GRHL2: variants seen among roughly 807,000 people sequenced by gnomAD.
GRHL2 encodes grainyhead-like protein 2 homolog.
GRHL2 carries 21 observed loss-of-function variants against 83.8 expected under a neutral mutation model. That is an observed-to-expected ratio of 0.25 (90% CI 0.18 to 0.36). GRHL2 has a LOEUF of 0.36. Ranked by LOEUF, GRHL2 falls within the 10% of genes least tolerant of loss-of-function variation. GRHL2 has a pLI of 1.00. For missense variants in GRHL2, 623 were observed against 781.8 expected (o/e 0.80, Z 2.42); for synonymous variants, 280 against 278.9 (o/e 1.00, Z -0.04).
At chr8:101,559,290 T>C (rs1224906304) in intron 4 of GRHL2, among the ~76,000 whole-genome samples, 1 of 143,858 alleles carries the variant, frequency 7.0e-6, no homozygotes, top group Non-Finnish European at 1.5e-5. Context: ...AGTGCGTGGA[T>C]CGAGGCCAGG....
Position 101,577,478 on chromosome 8 carries a change from A to G in GRHL2, c.962A>G (p.His321Arg). The G allele has an allele frequency of 6.2e-7, 1 of 1,614,022 alleles. No homozygotes were observed. Among genetic ancestry groups the G allele is most frequent in the Non-Finnish European group, 8.5e-7 (1 of 1,179,944 alleles). Residue 321 changes from histidine to arginine, a missense_variant, in exon 7 of 16, where the codon CAC (histidine) becomes CGC (arginine). Coordinates refer to ENST00000646743, the MANE Select transcript of GRHL2 (RefSeq NM_024915.4). ...DEQLKYWKYW[H>R]SRQHTAKQRV... ...CAGCTCAAATACTGGAAATACTGGC[A>G]CTCTCGGCAGCATACGGCGAAGCAG...
In GRHL2 at chr8:101,609,530, C is replaced by T. The variant is rs1034570926; in HGVS notation, c.1099-10009C>T. Among the ~76,000 whole-genome samples the T allele has an allele frequency of 7.3e-5, 11 of 150,952 alleles. 1 individual carries two copies. The highest frequency in any genetic ancestry group is 2.2e-4 in the African/African-American group (9 of 40,390). On this transcript the variant is annotated intron_variant, in intron 8 of 15. Transcript: ENST00000646743. ...GCAATTTCAGAAGTAAATTTATACA[C>T]GCACATGTGAACAAAAGCCACGTAG...
intron 4 of GRHL2, among the ~76,000 whole-genome samples, chr8:101,562,905 T>C (rs899612671): frequency 1.3e-5 from 2 of 152,114 alleles, no homozygotes; most frequent in Admixed American, 1.3e-4. Flanking sequence ...GAGAAGTGAG[T>C]GTAGTGGCAG....
At chr8:101,522,741 A>C (rs1157447069) in intron 1 of GRHL2, among the ~76,000 whole-genome samples, 1 of 130,628 alleles carries the variant, frequency 7.7e-6, no homozygotes. Flanking sequence ...ACATATACAT[A>C]TATATATATA....
intron 1 of GRHL2, among the ~76,000 whole-genome samples, chr8:101,516,630 C>T (rs563732469): frequency 6.6e-6 from 1 of 152,276 alleles, no homozygotes; most frequent in Admixed American, 6.5e-5. Context: ...TGGTCTCAAA[C>T]TCATGAGCTC....
At chr8:101,552,804 C>A in intron 3 of GRHL2, 22 bp downstream of exon 3, 2 of 1,607,468 alleles carry the variant, frequency 1.2e-6, no homozygotes, top group Non-Finnish European at 1.7e-6. Context: ...TGCCTGGCCC[C>A]CAGAATAACT....
At chr8:101,638,093 C>T (rs11995290) in intron 12 of GRHL2, among the ~76,000 whole-genome samples, 18,157 of 152,172 alleles carry the variant, frequency 0.12, 2,363 homozygotes, top group African/African-American at 0.33. Flanking sequence ...CATGCATTTT[C>T]AATAGCTACT....
chr8:101,579,823 G>T (rs1032828059), intron 7 of GRHL2, among the ~76,000 whole-genome samples: 3 of 152,150 alleles, frequency 2.0e-5, no homozygotes, highest in Non-Finnish European at 2.9e-5. Context: ...TATTGAGAAG[G>T]TTTCTGAGGT....
In GRHL2 at chr8:101,669,254, C is replaced by CTTTCTTTTTTTTT. The variant is rs1554599113; in HGVS notation, c.*2554_*2555insCTTTTTTTTTTTT. ...GGACATGTGAAATGAGCATTTTTTT[C>CTTTCTTTTTTTTT]TTTTTTTTTTTTAACAAAGTCTGAA... On this transcript the variant is annotated 3_prime_UTR_variant, in exon 16 of 16. Transcript: ENST00000646743. The CTTTCTTTTTTTTT allele has an allele frequency of 5.5e-5, 7 of 126,626 alleles. No individual in the cohort carries two copies. Among genetic ancestry groups the CTTTCTTTTTTTTT allele is most frequent in the Non-Finnish European group, 8.1e-5 (5 of 61,468 alleles). The allele number at this position is 126,626 out of a possible 1,614,324, so 7.8% of individuals were successfully genotyped here.
chr8:101,520,668 G>A (rs1810664110), intron 1 of GRHL2, among the ~76,000 whole-genome samples: 1 of 152,146 alleles, frequency 6.6e-6, no homozygotes, highest in Non-Finnish European at 1.5e-5. Flanking sequence ...TGAGTACCCT[G>A]TGCACTTAGC....
downstream of GRHL2, among the ~76,000 whole-genome samples, chr8:101,674,504 C>T (rs1365566674): frequency 1.3e-5 from 2 of 152,082 alleles, no homozygotes; most frequent in Admixed American, 1.3e-4. Flanking sequence ...CAAGACTAAA[C>T]CAGGAAGAAG....
At chr8:101,495,193 G>A (rs1375325037) in intron 1 of GRHL2, among the ~76,000 whole-genome samples, 2 of 152,166 alleles carry the variant, frequency 1.3e-5, no homozygotes, top group South Asian at 2.1e-4. Context: ...GGCTTCATCA[G>A]CCTCATGGAA....
intron 8 of GRHL2, among the ~76,000 whole-genome samples, chr8:101,610,379 C>T (rs148017865): frequency 8.8e-4 from 132 of 150,688 alleles, no homozygotes; most frequent in Non-Finnish European, 1.6e-3. Context: ...AGTAGTAATC[C>T]TACAGGAAGG....
At chr8:101,550,242 G>C (rs1811351835) in intron 2 of GRHL2, among the ~76,000 whole-genome samples, 1 of 151,248 alleles carries the variant, frequency 6.6e-6, no homozygotes, top group Non-Finnish European at 1.5e-5. Flanking sequence ...ATGTGTGCAG[G>C]CTTGTTACAT....
chr8:101,595,512 C>A (rs1812374189), intron 7 of GRHL2, among the ~76,000 whole-genome samples: 1 of 152,172 alleles, frequency 6.6e-6, no homozygotes, highest in Non-Finnish European at 1.5e-5. Context: ...GCGAGACTAT[C>A]TTTTAGAATA....
intron 8 of GRHL2, among the ~76,000 whole-genome samples, chr8:101,605,945 A>G (rs1298623333): frequency 6.6e-6 from 1 of 152,096 alleles, no homozygotes; most frequent in African/African-American, 2.4e-5. Context: ...ATTTTTATTC[A>G]TTTACATGAT....
Position 101,612,649 on chromosome 8 carries a change from C to A in GRHL2, c.1099-6890C>A, listed in dbSNP as rs370076707. On this transcript the variant is annotated intron_variant, in intron 8 of 15. Transcript: ENST00000646743. ...AACATCCAGTCAGAGCAGTTAACTC[C>A]ACTATATTAAATTGACTTCAGCTAC... Among the ~76,000 whole-genome samples, 15 of 151,004 alleles carry A rather than the reference C, an allele frequency of 9.9e-5. No individual in the cohort carries two copies. The East Asian group carries it at 2.1e-3, about 21-fold the overall frequency.
rs544711205 is a variant in GRHL2, at chr8:101,624,958, C to G, written c.1257+5261C>G. 4.6e-5 allele frequency among the ~76,000 whole-genome samples: 7 copies of G among 152,122 alleles called. No individual in the cohort carries two copies. In the South Asian group the frequency reaches 1.2e-3, roughly 27 times the overall value. Reference sequence around the variant, plus strand: ...AATGACAACTGGCCATTCAAAACCTCAACAAAGAGCCAAGGTAGGCTTTAG... The same window carrying G: ...AATGACAACTGGCCATTCAAAACCTGAACAAAGAGCCAAGGTAGGCTTTAG... On this transcript the variant is annotated intron_variant, in intron 9 of 15. Coordinates refer to ENST00000646743, the MANE Select transcript of GRHL2 (RefSeq NM_024915.4).
rs145588093 is a variant in GRHL2 at position 101,636,902 on chromosome 8, T to C, written c.1491T>C (p.Tyr497=). Residue 497 remains tyrosine, a synonymous_variant, in exon 12 of 16, where the codon TAT becomes TAC. Transcript: ENST00000646743. ...FANLQRTGQV[Y]YNTDDEREGG... is the part of the protein sequence containing the mutation. ...CCTATTGTTTTGTTCCACAGGTGTA[T>C]TACAACACGGATGATGAACGAGAAG... 1 of 1,613,746 alleles carries C rather than the reference T, an allele frequency of 6.2e-7. No homozygotes were observed.
Sources: allele counts gnomAD v4.1 joint callset (sites outside exome capture counted in the v4.1 genomes callset), GRCh38; gene constraint gnomAD v4.1.1; transcripts MANE v1.5; gene names NCBI Gene and HGNC (gene_info 2026-07-23, HGNC 2026-07-21).